Variants in SLCO3A1 observed in about 807,000 individuals in gnomAD.
SLCO3A1 encodes the protein PGE1 transporter.
SLCO3A1 carries 27 observed loss-of-function variants against 63.1 expected under a neutral mutation model. The ratio of observed to expected loss-of-function variants is 0.43; its 90% CI spans 0.32 to 0.59. The LOEUF (loss-of-function observed/expected upper bound fraction) is 0.59, where lower values mean the gene tolerates loss of function less well. SLCO3A1 is among the 20% of genes least tolerant of loss of function. The pLI is 0.09. For missense variants in SLCO3A1, 773 were observed against 945.8 expected, an observed-to-expected ratio of 0.82 and a Z score of 2.40; for synonymous variants, 473 against 409.9, an observed-to-expected ratio of 1.15 and a Z score of -1.86.
At chr15:91,963,665 C>T (rs1433101911) in intron 2 of SLCO3A1, among the ~76,000 whole-genome samples, 3 of 152,092 alleles carry the variant, frequency 2.0e-5, no homozygotes, top group African/African-American at 4.8e-5. Flanking sequence ...AAAGATGATG[C>T]GTCTGGAGTT....
chr15:91,998,219 C>T (rs1398020275), intron 2 of SLCO3A1, among the ~76,000 whole-genome samples: 1 of 152,052 alleles, frequency 6.6e-6, no homozygotes, highest in Non-Finnish European at 1.5e-5. Context: ...TTTGGGAGGC[C>T]AAGGCAGGCA....
chr15:91,971,658 A>G (rs1900877599), intron 2 of SLCO3A1, among the ~76,000 whole-genome samples: 1 of 152,092 alleles, frequency 6.6e-6, no homozygotes, highest in African/African-American at 2.4e-5. Context: ...ATTGTTTGCC[A>G]TGAGCTCCAT....
At chr15:91,952,150 A>G (rs1567034778) in intron 2 of SLCO3A1, among the ~76,000 whole-genome samples, 1 of 152,186 alleles carries the variant, frequency 6.6e-6, no homozygotes, top group Non-Finnish European at 1.5e-5. Flanking sequence ...CTTATCGGCT[A>G]TTTGTACATG....
intron 2 of SLCO3A1, among the ~76,000 whole-genome samples, chr15:91,969,181 C>T (rs7182905): frequency 0.56 from 85,465 of 152,050 alleles, 24,575 homozygotes; most frequent in East Asian, 0.72. Flanking sequence ...AGATATTTGT[C>T]GAATGAATGA....
chr15:91,972,841 C>T (rs1032278123), intron 2 of SLCO3A1, among the ~76,000 whole-genome samples: 2 of 152,126 alleles, frequency 1.3e-5, no homozygotes, highest in African/African-American at 4.8e-5. Flanking sequence ...GACAGTGGGG[C>T]CGGGCATGGT....
At chr15:92,132,672 A>G (rs2151572666) in intron 7 of SLCO3A1, among the ~76,000 whole-genome samples, 1 of 145,198 alleles carries the variant, frequency 6.9e-6, no homozygotes, top group East Asian at 1.9e-4. Flanking sequence ...AGTCAGTATG[A>G]GTCCAGCACT....
At chr15:91,880,403 C>A (rs79324254) in intron 1 of SLCO3A1, among the ~76,000 whole-genome samples, 1 of 140,576 alleles carries the variant, frequency 7.1e-6, no homozygotes, top group Non-Finnish European at 1.5e-5. Context: ...CTCTCTCTCT[C>A]TCTCTCTGTG....
intron 2 of SLCO3A1, among the ~76,000 whole-genome samples, chr15:91,951,808 G>C (rs1011854517): frequency 2.8e-4 from 43 of 152,182 alleles, no homozygotes; most frequent in African/African-American, 1.0e-3. Context: ...GCCTGCCTCG[G>C]CCTCCCTAAG....
intron 4 of SLCO3A1, among the ~76,000 whole-genome samples, chr15:92,111,030 G>A (rs1195837141): frequency 6.6e-6 from 1 of 152,194 alleles, no homozygotes; most frequent in Non-Finnish European, 1.5e-5. Flanking sequence ...GGGACTCTGG[G>A]CTTCATGTTG....
chr15:92,162,938 C>A lies in SLCO3A1; in HGVS notation c.1936C>A (p.Gln646Lys). The A allele has an allele frequency of 6.2e-7, 1 of 1,614,184 alleles. No homozygotes were observed. Among genetic ancestry groups the A allele is most frequent in the Admixed American group, 1.7e-5 (1 of 60,028 alleles). ...FAFILYTTTW[Q>K]CLRKNYKRYI... Reference sequence around the variant, plus strand: ...CTTCATCCTGTACACCACCACGTGGCAGTGCCTGAGGAAAAACTATAAACG... The same window carrying A: ...CTTCATCCTGTACACCACCACGTGGAAGTGCCTGAGGAAAAACTATAAACG... The change falls in exon 10 of 10, where the codon CAG becomes AAG. Residue 646 changes from glutamine to lysine, a missense_variant. By Grantham distance (53) the Gln-to-Lys change is moderately conservative. Transcript: ENST00000318445.
Position 91,900,963 on chromosome 15 carries a change from C to T in SLCO3A1, c.181-15030C>T, listed in dbSNP as rs1300120865. Among the ~76,000 whole-genome samples, 1 of 152,094 alleles carries T rather than the reference C, an allele frequency of 6.6e-6. No individual in the cohort carries two copies. The highest frequency in any genetic ancestry group is 2.4e-5 in the African/African-American group (1 of 41,404). On this transcript the variant is annotated intron_variant, in intron 1 of 9. Transcript: ENST00000318445. The surrounding 1 kb of genome is among the most constrained non-coding windows in gnomAD (Gnocchi z 4.3). The stretch of plus-strand genomic sequence containing the variant: ...TTGTTGTATTGTTTATTTCGCCTTT[C>T]ATTTTGTCGATTTTTACTTCATGTA...
At chr15:92,125,871 A>T (rs776194081) in intron 5 of SLCO3A1, among the ~76,000 whole-genome samples, 190 bp from the exon 6 acceptor site, 9 of 151,708 alleles carry the variant, frequency 5.9e-5, no homozygotes, top group Non-Finnish European at 1.3e-4. Flanking sequence ...TGTCTCCCCC[A>T]GTTCTCCATG....
Position 92,034,109 on chromosome 15 carries a change from TCTGTGGAGAGTGGA to T in SLCO3A1, c.647-60763_647-60750del, listed in dbSNP as rs938019503. Among the ~76,000 whole-genome samples, 3 of 147,510 alleles carry T rather than the reference TCTGTGGAGAGTGGA, an allele frequency of 2.0e-5. 1 individual carries two copies. The highest frequency in any genetic ancestry group is 4.6e-5 in the Non-Finnish European group (3 of 64,922). ...ACATGGTCTGACAACTCCTGGGTGC[TCTGTGGAGAGTGGA>T]CTGTGGAGGAGTGAGGAGGAAAGTG... On this transcript the variant is annotated intron_variant, in intron 2 of 9. Transcript: ENST00000318445.
chr15:91,887,257 C>G (rs1380604705), intron 1 of SLCO3A1, among the ~76,000 whole-genome samples: 1 of 152,024 alleles, frequency 6.6e-6, no homozygotes, highest in Non-Finnish European at 1.5e-5. Context: ...CCCTTTTACC[C>G]CTTCCCCCTT....
At chr15:92,141,044 C>T (rs779152173) in intron 7 of SLCO3A1, among the ~76,000 whole-genome samples, 10 of 152,278 alleles carry the variant, frequency 6.6e-5, no homozygotes, top group Non-Finnish European at 8.8e-5. Flanking sequence ...CCCTGTCCTC[C>T]GGGTCAACAA....
chr15:91,975,503 G>A (rs1372418190), intron 2 of SLCO3A1, among the ~76,000 whole-genome samples: 1 of 152,218 alleles, frequency 6.6e-6, no homozygotes, highest in Non-Finnish European at 1.5e-5. Flanking sequence ...CCACACACTT[G>A]GTGAGAGCCC....
intron 2 of SLCO3A1, among the ~76,000 whole-genome samples, chr15:92,089,957 AG>A (rs1426524511): frequency 2.6e-5 from 4 of 152,220 alleles, no homozygotes; most frequent in Admixed American, 1.3e-4. Flanking sequence ...TCAAGCAGTT[AG>A]GCTCATACTG....
intron 2 of SLCO3A1, among the ~76,000 whole-genome samples, chr15:91,959,287 G>A (rs1156691072): frequency 6.6e-6 from 1 of 152,072 alleles, no homozygotes; most frequent in Non-Finnish European, 1.5e-5. Flanking sequence ...GGGGAGGTTG[G>A]AAGGCGGGTG....
intron 9 of SLCO3A1, among the ~76,000 whole-genome samples, chr15:92,161,269 T>C (rs1443965553): frequency 6.6e-6 from 1 of 152,172 alleles, no homozygotes; most frequent in Non-Finnish European, 1.5e-5. Context: ...GATGACACTC[T>C]CCCCCTTCAC....
Sources: allele counts gnomAD v4.1 joint callset (sites outside exome capture counted in the v4.1 genomes callset), GRCh38; gene constraint gnomAD v4.1.1; non-coding constraint Gnocchi (gnomAD v3.1); transcripts MANE v1.5; gene names NCBI Gene and HGNC (gene_info 2026-07-23, HGNC 2026-07-21).